Variants in BRAF observed in about 807,000 individuals in gnomAD.
The protein encoded by BRAF is B-Raf proto-oncogene, serine/threonine kinase, also known as serine/threonine-protein kinase B-raf.
A neutral mutation model predicts 104.6 loss-of-function variants in BRAF; 16 were observed. The ratio of observed to expected loss-of-function variants is 0.15; its 90% CI spans 0.10 to 0.23. The LOEUF (loss-of-function observed/expected upper bound fraction) is 0.23, where lower values mean the gene tolerates loss of function less well. Ranked by LOEUF, BRAF falls within the 10% of genes least tolerant of loss-of-function variation. The probability of loss-of-function intolerance (pLI) is 1.00; values close to 1 mark genes in which losing one functional copy is unlikely to be tolerated. For missense variants in BRAF, 541 were observed against 937.3 expected, an observed-to-expected ratio of 0.58 and a Z score of 5.52; for synonymous variants, 310 against 341.6, an observed-to-expected ratio of 0.91 and a Z score of 1.02.
chr7:140,770,528 A>C (rs1283446535), intron 14 of BRAF, among the ~76,000 whole-genome samples: 19 of 89,546 alleles, frequency 2.1e-4, no homozygotes, highest in Non-Finnish European at 3.3e-4. Flanking sequence ...AAGGCCTGCC[A>C]AAAAAAAAAA....
chr7:140,787,709 C>G lies in BRAF; in HGVS notation c.1141-125G>C, dbSNP rs914543039. 10 of 800,798 alleles carry G rather than the reference C, an allele frequency of 1.2e-5. No individual in the cohort carries two copies. In the African/African-American group the frequency reaches 1.8e-4, roughly 14 times the overall value. The allele number at this position is 800,798 out of a possible 1,614,324, so 49.6% of individuals were successfully genotyped here. A position where few individuals can be genotyped will look rare whatever the true frequency, so the allele number is the denominator to read the frequency against. Reference sequence around the variant, plus strand: ...TTAATTAAAACAATACATCTTATAACTATTACACAAAACAATTTGGAATTA... The same window carrying G: ...TTAATTAAAACAATACATCTTATAAGTATTACACAAAACAATTTGGAATTA... On this transcript the variant is annotated intron_variant, in intron 8 of 19. Coordinates refer to ENST00000644969, the MANE Select transcript of BRAF (RefSeq NM_001374258.1).
intron 17 of BRAF, among the ~76,000 whole-genome samples, chr7:140,743,266 A>G (rs1475765742): frequency 1.3e-5 from 2 of 151,512 alleles, no homozygotes; most frequent in East Asian, 3.9e-4. Flanking sequence ...ATAAAGACAC[A>G]TGCACACGTA....
At chr7:140,826,556 T>C (rs968251397) in intron 3 of BRAF, among the ~76,000 whole-genome samples, 3 of 152,210 alleles carry the variant, frequency 2.0e-5, no homozygotes, top group Non-Finnish European at 4.4e-5. Context: ...TTTTAGTGAA[T>C]TGGGAGGGGC....
chr7:140,719,279 T>G, downstream of BRAF: 10 of 793,188 alleles, frequency 1.3e-5, no homozygotes, highest in Non-Finnish European at 1.4e-5. Flanking sequence ...TTAAAACTGC[T>G]GACTACTTTT....
In BRAF at chr7:140,722,440, A is replaced by G. The variant is rs987486847; in HGVS notation, c.*4054T>C. 6.3e-5 allele frequency: 66 copies of G among 1,055,192 alleles called. No individual in the cohort carries two copies. The highest frequency in any genetic ancestry group is 1.1e-5 in the Non-Finnish European group (10 of 873,044). The allele number at this position is 1,055,192 out of a possible 1,614,324, so 65.4% of individuals were successfully genotyped here. On this transcript the variant is annotated 3_prime_UTR_variant, in exon 20 of 20. Transcript: ENST00000644969. ...TATTGCATCATGAAGGCACAGTAAGATCATTTGGCAAATTGTCAAGGTATT... is the reference window on the plus strand; with the variant it reads ...TATTGCATCATGAAGGCACAGTAAGGTCATTTGGCAAATTGTCAAGGTATT...
At chr7:140,741,923 T>C (rs1455960501) in intron 17 of BRAF, among the ~76,000 whole-genome samples, 6 of 151,506 alleles carry the variant, frequency 4.0e-5, no homozygotes, top group Admixed American at 6.6e-5. Flanking sequence ...TGCCACACTA[T>C]ACTCCAGACT....
chr7:140,768,165 TTA>T (rs1799508007), intron 14 of BRAF, among the ~76,000 whole-genome samples: 1 of 152,224 alleles, frequency 6.6e-6, no homozygotes, highest in African/African-American at 2.4e-5. Flanking sequence ...TTAATGACAG[TTA>T]TCTCTTGATG....
intron 17 of BRAF, chr7:140,747,456 C>T: frequency 7.8e-7 from 1 of 1,279,716 alleles, no homozygotes; most frequent in Non-Finnish European, 1.0e-6. Context: ...ACCTAAAATG[C>T]CAAGAAGTGG....
chr7:140,782,260 T>C (rs1341864306), intron 11 of BRAF, among the ~76,000 whole-genome samples: 3 of 152,214 alleles, frequency 2.0e-5, no homozygotes, highest in Non-Finnish European at 4.4e-5. Context: ...AGCAGGAATG[T>C]ATATTACTGA....
intron 1 of BRAF, among the ~76,000 whole-genome samples, chr7:140,898,972 T>C (rs1251034807): frequency 6.6e-6 from 1 of 152,206 alleles, no homozygotes; most frequent in Non-Finnish European, 1.5e-5. Flanking sequence ...GTGGTTTTTT[T>C]CCTTAGCTAT....
chr7:140,791,615 T>C (rs1308916091), intron 8 of BRAF, among the ~76,000 whole-genome samples: 1 of 152,232 alleles, frequency 6.6e-6, no homozygotes, highest in African/African-American at 2.4e-5. Flanking sequence ...TCTGTATCTC[T>C]ACTCAAGGTC....
intron 3 of BRAF, among the ~76,000 whole-genome samples, chr7:140,827,915 A>G (rs1200756417): frequency 6.6e-6 from 1 of 151,860 alleles, no homozygotes; most frequent in Non-Finnish European, 1.5e-5. Flanking sequence ...TTTTTTTTTG[A>G]GATGGAGTTT....
At chr7:140,893,252 C>CT (rs1212458745) in intron 1 of BRAF, among the ~76,000 whole-genome samples, 13,238 of 141,660 alleles carry the variant, frequency 0.093, 1,558 homozygotes, top group African/African-American at 0.28. Flanking sequence ...CCATAACATT[C>CT]TTTTTTTTTT....
rs1476434307 is a variant in BRAF at position 140,722,487 on chromosome 7, C to CATTT, written c.*4003_*4006dup. ...TATTTTTCTAGAGCCTCACCTACAC[C>CATTT]ATTTCAACTCATGACCTGTAAGCTA... On this transcript the variant is annotated 3_prime_UTR_variant, in exon 20 of 20. Transcript: ENST00000644969. 2.8e-6 allele frequency: 3 copies of CATTT among 1,055,792 alleles called. No individual in the cohort carries two copies. Among genetic ancestry groups the CATTT allele is most frequent in the Admixed American group, 5.4e-5 (1 of 18,396 alleles). The allele number at this position is 1,055,792 out of a possible 1,614,324, so 65.4% of individuals were successfully genotyped here. A position where few individuals can be genotyped will look rare whatever the true frequency, so the allele number is the denominator to read the frequency against.
At chr7:140,855,018 G>A (rs1809618676) in intron 1 of BRAF, among the ~76,000 whole-genome samples, 1 of 152,050 alleles carries the variant, frequency 6.6e-6, no homozygotes, top group Admixed American at 6.6e-5. Flanking sequence ...CTGGAAGTCA[G>A]GTTTTTTATC....
chr7:140,789,381 G>A (rs1030597349), intron 8 of BRAF, among the ~76,000 whole-genome samples: 1 of 152,062 alleles, frequency 6.6e-6, no homozygotes, highest in Non-Finnish European at 1.5e-5. Context: ...AAATATCTCT[G>A]AATAGTCTCT....
intron 8 of BRAF, among the ~76,000 whole-genome samples, chr7:140,787,993 G>A (rs2129031968): frequency 6.6e-6 from 1 of 152,242 alleles, no homozygotes; most frequent in East Asian, 1.9e-4. Context: ...GAGGGTGGAT[G>A]GTAAAAGGAG....
chr7:140,790,258 C>A (rs534291646), intron 8 of BRAF, among the ~76,000 whole-genome samples: 1 of 152,226 alleles, frequency 6.6e-6, no homozygotes, highest in Non-Finnish European at 1.5e-5. Flanking sequence ...TCCACTCTTA[C>A]AAGTTACTGC....
At chr7:140,744,684 T>A (rs1381747989) in intron 17 of BRAF, among the ~76,000 whole-genome samples, 8 of 152,222 alleles carry the variant, frequency 5.3e-5, no homozygotes, top group Admixed American at 3.9e-4. Context: ...TAAGTCTTAG[T>A]ATCTAGTGTC....
Sources: gnomAD v4.1 joint callset for allele counts (sites outside exome capture counted in the v4.1 genomes callset) on GRCh38, gnomAD v4.1.1 for gene constraint, MANE v1.5 for transcripts, NCBI Gene and HGNC (gene_info 2026-07-23, HGNC 2026-07-21) for gene names.